The following ANKRD42 variants were observed in gnomAD, a reference collection of about 807,000 sequenced individuals.
The protein encoded by ANKRD42 is ankyrin repeat domain 42.
ANKRD42 carries 43 observed loss-of-function variants against 51.5 expected under a neutral mutation model. The observed-to-expected ratio is 0.83, with a 90% CI of 0.65 to 1.08. The LOEUF is 1.08. Ranked by LOEUF, ANKRD42 falls within the 50% of genes least tolerant of loss-of-function variation. ANKRD42 has a pLI of 0.00. For missense variants in ANKRD42, 608 were observed against 629.3 expected, an observed-to-expected ratio of 0.97 and a Z score of 0.36; for synonymous variants, 203 against 213.0, an observed-to-expected ratio of 0.95 and a Z score of 0.41.
At chr11:83,236,595 T>A in intron 8 of ANKRD42, 86 bp downstream of exon 8, 2 of 1,073,498 alleles carry the variant, frequency 1.9e-6, no homozygotes, top group Non-Finnish European at 2.6e-6. Flanking sequence ...TCTGAAGTTT[T>A]AATGGAATTT....
chr11:83,248,580 AT>A lies in ANKRD42; in HGVS notation c.*377del. The A allele has an allele frequency of 2.0e-6, 2 of 989,518 alleles. No individual in the cohort carries two copies. Among genetic ancestry groups the A allele is most frequent in the Non-Finnish European group, 1.2e-6 (1 of 832,814 alleles). The allele number at this position is 989,518 out of a possible 1,614,324, so 61.3% of individuals were successfully genotyped here. A position where few individuals can be genotyped will look rare whatever the true frequency, so the allele number is the denominator to read the frequency against. On this transcript the variant is annotated 3_prime_UTR_variant, in exon 11 of 11. Transcript: ENST00000533342. The stretch of plus-strand genomic sequence containing the variant: ...TTTCCATAGGGAAGTTTCTTCATCA[AT>A]CATCATGGATGAATTAATTCTGTTT...
Position 83,198,553 on chromosome 11 carries a change from A to G in ANKRD42, c.133A>G (p.Ile45Val), listed in dbSNP as rs770654416. The change falls in exon 2 of 11, where the codon ATA becomes GTA. Residue 45 changes from isoleucine to valine, a missense_variant. Physicochemically the swap from Ile to Val is conservative, Grantham distance 29. Transcript: ENST00000533342. ...RAGDVKQLSE[I>V]VVRGASINEL... ...TGGAGATGTAAAGCAGCTTTCAGAAATAGTGGTACGTGGAGCCAGCATTAA... is the reference window on the plus strand; with the variant it reads ...TGGAGATGTAAAGCAGCTTTCAGAAGTAGTGGTACGTGGAGCCAGCATTAA... 5.6e-6 allele frequency: 9 copies of G among 1,613,920 alleles called. No individual in the cohort carries two copies. In the African/African-American group the frequency reaches 1.1e-4, roughly 19 times the overall value.
chr11:83,199,652 G>A (rs1046326474), intron 2 of ANKRD42, among the ~76,000 whole-genome samples: 7 of 152,164 alleles, frequency 4.6e-5, no homozygotes. Context: ...ATGATTCAAG[G>A]TTATGTGTAT....
Position 83,240,916 on chromosome 11 carries a change from G to GATAA in ANKRD42, c.1179_1182dup (p.Thr395Ter). On this transcript the variant is annotated frameshift_variant, in exon 9 of 11. Transcript: ENST00000533342. LOFTEE classifies it high-confidence loss of function. The stretch of plus-strand genomic sequence containing the variant: ...GGATGATTTATGTCTGAGTGACTTG[G>GATAA]ATAAAACAGATGCCAGAAGTAAGTA... The GATAA allele has an allele frequency of 6.2e-7, 1 of 1,612,518 alleles. No homozygotes were observed. The highest frequency in any genetic ancestry group is 8.5e-7 in the Non-Finnish European group (1 of 1,179,102).
At chr11:83,255,781 T>C in intron 11 of ANKRD42, 1 of 1,314,784 alleles carries the variant, frequency 7.6e-7, no homozygotes, top group Non-Finnish European at 1.0e-6. Flanking sequence ...ACAGGCAATG[T>C]AGAAAGACGA....
rs572503179 is a variant in ANKRD42 at position 83,255,908 on chromosome 11, G to A, written c.1528G>A (p.Gly510Arg). ...GCGAGTAAAAAAAAAGGTTTCTTCT[G>A]GAGGGGTGTTTGTGAGAAGGTACTA... The change falls in exon 12 of 12, where the codon GGA (glycine) becomes AGA (arginine). Residue 510 changes from glycine to arginine, a missense_variant. Coordinates refer to the ANKRD42 transcript ENST00000260047. 797 of 1,533,874 alleles carry A rather than the reference G, an allele frequency of 5.2e-4. 2 individuals carry two copies. The highest frequency in any genetic ancestry group is 6.5e-4 in the Non-Finnish European group (744 of 1,146,194).
intron 8 of ANKRD42, 62 bp from the exon 9 acceptor site, chr11:83,240,697 A>G (rs1863358848): frequency 3.2e-6 from 5 of 1,582,236 alleles, no homozygotes; most frequent in Non-Finnish European, 4.3e-6. Context: ...AGTTAAGTGC[A>G]AGCTGCAGTT....
chr11:83,247,968 C>T lies in ANKRD42; in HGVS notation c.1348C>T (p.Leu450=). The change falls in exon 11 of 11, where the codon CTG becomes TTG. Residue 450 remains leucine, a synonymous_variant. Transcript: ENST00000533342. ...GACCATCAAAGAACTGCAGGGCCAGCTGGAGTATGAACGACTACGTAGAGA... is the reference window on the plus strand; with the variant it reads ...GACCATCAAAGAACTGCAGGGCCAGTTGGAGTATGAACGACTACGTAGAGA... ...EKTIKELQGQ[L]EYERLRREKL... 6.2e-7 allele frequency: 1 copy of T among 1,612,782 alleles called. No homozygotes were observed. Among genetic ancestry groups the T allele is most frequent in the Non-Finnish European group, 8.5e-7 (1 of 1,179,602 alleles).
At chr11:83,234,863 G>T (rs1430023728) in intron 7 of ANKRD42, among the ~76,000 whole-genome samples, 1 of 152,200 alleles carries the variant, frequency 6.6e-6, no homozygotes, top group Non-Finnish European at 1.5e-5. Flanking sequence ...TTTGGCAGAT[G>T]GCTCTGAGGC....
At chr11:83,261,001 A>C (rs540512219), downstream of ANKRD42, 1 of 152,352 alleles carries the variant, frequency 6.6e-6, no homozygotes, top group Admixed American at 6.5e-5. Context: ...TTGAGTATCA[A>C]ATATTTAAAA....
intron 7 of ANKRD42, among the ~76,000 whole-genome samples, chr11:83,232,588 T>C (rs1863105472): frequency 6.6e-6 from 1 of 152,230 alleles, no homozygotes; most frequent in African/African-American, 2.4e-5. Context: ...CCTTTGTTTC[T>C]TTCTCTTGTC....
intron 2 of ANKRD42, among the ~76,000 whole-genome samples, chr11:83,201,814 G>T (rs931401838): frequency 6.6e-6 from 1 of 152,058 alleles, no homozygotes; most frequent in African/African-American, 2.4e-5. Context: ...AGAAGTATCT[G>T]TTCATATCCT....
At position 83,217,283 on chromosome 11, in the gene ANKRD42, G is replaced by A. The variant is rs369483241; in HGVS notation, c.586+5853G>A. Among the ~76,000 whole-genome samples the A allele has an allele frequency of 5.9e-5, 9 of 152,240 alleles. No homozygotes were observed. The East Asian group carries it at 1.2e-3, about 20-fold the overall frequency. On this transcript the variant is annotated intron_variant, in intron 5 of 10. Transcript: ENST00000533342. ...TTAAATGTCTAACAATATCTGTAGA[G>A]GACAACAAATTGGTAATTTGTTCCC...
Position 83,219,107 on chromosome 11 carries a change from A to G in ANKRD42, c.587-5748A>G, listed in dbSNP as rs896288493. ...GTGTGGTGCTCATCCGGAATTTTAA[A>G]CAGAGGGATGTCTGCACCTCTGGTT... On this transcript the variant is annotated intron_variant, in intron 5 of 10. Transcript: ENST00000533342. Among the ~76,000 whole-genome samples the G allele has an allele frequency of 2.0e-5, 3 of 152,212 alleles. No homozygotes were observed. In the South Asian group the frequency reaches 6.2e-4, roughly 32 times the overall value.
At chr11:83,231,441 T>C (rs1302077581) in intron 7 of ANKRD42, among the ~76,000 whole-genome samples, 1 of 152,200 alleles carries the variant, frequency 6.6e-6, no homozygotes. Context: ...TTGAGTTTCT[T>C]ATGTATTTTG....
chr11:83,223,914 C>G (rs150682649), intron 5 of ANKRD42, among the ~76,000 whole-genome samples: 140 of 151,416 alleles, frequency 9.2e-4, no homozygotes, highest in Non-Finnish European at 1.8e-3. Context: ...TAATCATTGC[C>G]TCAAAGCTTG....
chr11:83,224,859 C>G lies in ANKRD42; in HGVS notation c.591C>G (p.His197Gln). The change falls in exon 6 of 11, where the codon CAC becomes CAG. Residue 197 changes from histidine (H) to glutamine (Q), a missense_variant. Physicochemically the swap from His to Gln is conservative, Grantham distance 24 (BLOSUM62 0). Transcript: ENST00000533342. ...DVDYNGNLPVHLAAMEGHLHC... is the reference protein window; with the variant it reads ...DVDYNGNLPVQLAAMEGHLHC... ...ATTTTTTTTCCTTTCCTCTAGTTCA[C>G]TTAGCAGCCATGGAAGGCCACCTTC... is the stretch of plus-strand genomic sequence containing the variant. 6.3e-7 allele frequency: 1 copy of G among 1,593,010 alleles called. No homozygotes were observed.
intron 5 of ANKRD42, chr11:83,212,842 T>C: frequency 7.0e-7 from 1 of 1,434,556 alleles, no homozygotes. Context: ...ATGAACTCTT[T>C]CAATTTTTGT....
chr11:83,208,746 TCAA>T (rs1041012075), intron 3 of ANKRD42, among the ~76,000 whole-genome samples: 2 of 152,192 alleles, frequency 1.3e-5, no homozygotes, highest in Non-Finnish European at 2.9e-5. Flanking sequence ...GATGTTGAGT[TCAA>T]TTTGGCATAC....
Sources: gnomAD v4.1 joint callset for allele counts (sites outside exome capture counted in the v4.1 genomes callset) on GRCh38, gnomAD v4.1.1 for gene constraint, MANE v1.5 for transcripts, NCBI Gene and HGNC (gene_info 2026-07-23, HGNC 2026-07-21) for gene names.